KNOP1: variants seen among roughly 807,000 people sequenced by gnomAD.
KNOP1 encodes the protein lysine rich nucleolar protein 1, also known as lysine-rich nucleolar protein 1.
Under a neutral mutation model 30.6 loss-of-function variants are expected in KNOP1, and 20 were observed. The ratio of observed to expected loss-of-function variants is 0.65; its 90% CI spans 0.46 to 0.95. The LOEUF (loss-of-function observed/expected upper bound fraction) is 0.95. Among genes scored for constraint, KNOP1 ranks in the 40% least tolerant of loss-of-function variants. The pLI is 0.00. For synonymous variants in KNOP1, 204 were observed against 210.0 expected, an observed-to-expected ratio of 0.97 and a Z score of 0.25; for missense variants, 540 against 562.0, an observed-to-expected ratio of 0.96 and a Z score of 0.40.
At chr16:19,709,636 C>T (rs1976603754) in intron 4 of KNOP1, among the ~76,000 whole-genome samples, 1 of 152,300 alleles carries the variant, frequency 6.6e-6, no homozygotes, top group East Asian at 1.9e-4. Flanking sequence ...CCCTACAGAT[C>T]ACTCCAGGCC....
chr16:19,716,305 GAAGC>G (rs1977069017), intron 1 of KNOP1, among the ~76,000 whole-genome samples: 1 of 152,202 alleles, frequency 6.6e-6, no homozygotes, highest in South Asian at 2.1e-4. Flanking sequence ...CACCCATCAA[GAAGC>G]AAGTAGGTGT....
intron 4 of KNOP1, 99 bp from the exon 5 acceptor site, chr16:19,707,320 G>T: frequency 1.1e-6 from 1 of 913,450 alleles, no homozygotes; most frequent in Non-Finnish European, 1.7e-6. Flanking sequence ...CAGATTAGAT[G>T]GCTGCTGTGT....
At chr16:19,716,041 C>T (rs752221310) in intron 1 of KNOP1, among the ~76,000 whole-genome samples, 24 of 152,214 alleles carry the variant, frequency 1.6e-4, no homozygotes, top group Non-Finnish European at 3.2e-4. Context: ...CTCAGAGGGT[C>T]CACACTGGAG....
rs1334720872 is a variant in KNOP1, at chr16:19,704,636, C to G, written c.*2274G>C. 1 of 153,004 alleles carries G rather than the reference C, an allele frequency of 6.5e-6. No homozygotes were observed. The highest frequency in any genetic ancestry group is 6.5e-5 in the Admixed American group (1 of 15,382). The allele number at this position is 153,004 out of a possible 1,614,324, so 9.5% of individuals were successfully genotyped here. On this transcript the variant is annotated 3_prime_UTR_variant, in exon 5 of 5. Coordinates refer to ENST00000219837, the MANE Select transcript of KNOP1 (RefSeq NM_001012991.3). ...GGTTCCTGTTTACACCAGGCACATTCCTGTAGTGTTGCTCAAGGTCAGGAG... is the reference window on the plus strand; with the variant it reads ...GGTTCCTGTTTACACCAGGCACATTGCTGTAGTGTTGCTCAAGGTCAGGAG...
At chr16:19,717,957 G>C in intron 1 of KNOP1, 5 of 1,239,810 alleles carry the variant, frequency 4.0e-6, no homozygotes, top group Non-Finnish European at 4.1e-6. Context: ...GAGGGATTAC[G>C]TGGGGTCCCA....
Position 19,715,020 on chromosome 16 carries a change from G to A in KNOP1, c.16C>T (p.His6Tyr), listed in dbSNP as rs1976948352. 6 of 1,562,448 alleles carry A rather than the reference G, an allele frequency of 3.8e-6. No individual in the cohort carries two copies. Among genetic ancestry groups the A allele is most frequent in the South Asian group, 1.2e-5 (1 of 80,790 alleles). ...TCTGGGAGCCCAAGGTCTACTTTGT[G>A]TGTCTTGGTGATCATTCCTGAAAAA... Reference protein sequence around the residue: MITKTHKVDLGLPEKK... With the variant: MITKTYKVDLGLPEKK... Residue 6 changes from histidine to tyrosine, a missense_variant, in exon 2 of 5, where the codon CAC (histidine) becomes TAC (tyrosine). Physicochemically the swap from His to Tyr is moderately conservative, Grantham distance 83 (BLOSUM62 2). Transcript: ENST00000219837.
chr16:19,713,876 C>A (rs1976845765), intron 2 of KNOP1, among the ~76,000 whole-genome samples: 1 of 152,166 alleles, frequency 6.6e-6, no homozygotes, highest in African/African-American at 2.4e-5. Context: ...AGGATACCTG[C>A]AATTATCGAT....
intron 1 of KNOP1, chr16:19,717,241 TG>T (rs1181715449): frequency 4.6e-6 from 4 of 878,426 alleles, no homozygotes; most frequent in African/African-American, 3.7e-5. Context: ...AGGCATCCAC[TG>T]GGGGTTTAGG....
intron 1 of KNOP1, chr16:19,717,946 G>A (rs1031338678): frequency 8.2e-7 from 1 of 1,218,308 alleles, no homozygotes. Context: ...CAACAGACTG[G>A]GAGGGATTAC....
In KNOP1 at chr16:19,714,232, T is replaced by C. The variant is rs1976867603; in HGVS notation, c.804A>G (p.Lys268=). The C allele has an allele frequency of 6.2e-7, 1 of 1,614,020 alleles. No homozygotes were observed. Among genetic ancestry groups the C allele is most frequent in the Non-Finnish European group, 8.5e-7 (1 of 1,180,020 alleles). Residue 268 remains lysine (K), a synonymous_variant, in exon 2 of 5, where the codon AAA becomes AAG. Transcript: ENST00000219837. ...ISDDPKASAK[K]KMKSKKKVEQ... Reference sequence around the variant, plus strand: ...CTACCTTCTTTTTGGACTTCATCTTTTTCTTTGCGGAGGCCTTAGGGTCAT... The same window carrying C: ...CTACCTTCTTTTTGGACTTCATCTTCTTCTTTGCGGAGGCCTTAGGGTCAT...
At chr16:19,707,806 T>C (rs1597460973) in intron 4 of KNOP1, among the ~76,000 whole-genome samples, 12 of 42,666 alleles carry the variant, frequency 2.8e-4, no homozygotes, top group South Asian at 1.9e-3. Flanking sequence ...CAGCACACTC[T>C]CCCCCTACCA....
At chr16:19,715,141 G>A (rs1471983720) in intron 1 of KNOP1, 104 bp from the exon 2 acceptor site, 8 of 763,656 alleles carry the variant, frequency 1.0e-5, no homozygotes, top group Middle Eastern at 2.4e-4. Context: ...TGGTCAAAGC[G>A]TTGTGGGACA....
At position 19,703,753 on chromosome 16, in the gene KNOP1, T is replaced by C. The variant is rs555866338; in HGVS notation, c.*3157A>G. 55 of 152,212 alleles carry C rather than the reference T, an allele frequency of 3.6e-4. No individual in the cohort carries two copies. The highest frequency in any genetic ancestry group is 1.3e-3 in the African/African-American group (55 of 41,532). 9.4% of individuals were successfully genotyped at this position (152,212 alleles called of 1,614,324 possible). On this transcript the variant is annotated 3_prime_UTR_variant, in exon 5 of 5. Coordinates refer to ENST00000219837, the MANE Select transcript of KNOP1 (RefSeq NM_001012991.3). Reference sequence around the variant, plus strand: ...GGTGGGGTCCTGCTCATCTGAGAGATGGTGATCTGCACTGGCAGAAAGCAA... The same window carrying C: ...GGTGGGGTCCTGCTCATCTGAGAGACGGTGATCTGCACTGGCAGAAAGCAA...
Position 19,703,213 on chromosome 16 carries a change from A to AG in KNOP1, c.*3696dup, listed in dbSNP as rs1416306443. The AG allele has an allele frequency of 1.3e-5, 2 of 152,208 alleles. No individual in the cohort carries two copies. Among genetic ancestry groups the AG allele is most frequent in the Non-Finnish European group, 2.9e-5 (2 of 68,050 alleles). 9.4% of individuals were successfully genotyped at this position (152,208 alleles called of 1,614,324 possible). A position where few individuals can be genotyped will look rare whatever the true frequency, so the allele number is the denominator to read the frequency against. On this transcript the variant is annotated 3_prime_UTR_variant, in exon 5 of 5. Transcript: ENST00000219837. The stretch of plus-strand genomic sequence containing the variant: ...GGCTACGCTCCTTCTGGGAGGCTCT[A>AG]GGGGAGAATCTACTTCCTTGCCTTT...
chr16:19,708,711 C>G (rs1976550685), intron 4 of KNOP1, among the ~76,000 whole-genome samples: 1 of 152,210 alleles, frequency 6.6e-6, no homozygotes, highest in African/African-American at 2.4e-5. Flanking sequence ...AACCAGTTGT[C>G]ACTACAGCTG....
In KNOP1 at chr16:19,710,660, C is replaced by CGGGGCTGG. The variant is rs1597466282; in HGVS notation, c.988-82_988-75dup. The CGGGGCTGG allele has an allele frequency of 1.4e-5, 18 of 1,282,108 alleles. No homozygotes were observed. The East Asian group carries it at 4.2e-4, about 30-fold the overall frequency. The allele number at this position is 1,282,108 out of a possible 1,614,324, so 79.4% of individuals were successfully genotyped here. ...TCAAGCTTAAAACCCAGGACAGAGA[C>CGGGGCTGG]GGGGCTGGGGGAACGGAACGTGGGA... On this transcript the variant is annotated intron_variant, in intron 3 of 4. Coordinates refer to ENST00000219837, the MANE Select transcript of KNOP1 (RefSeq NM_001012991.3).
intron 4 of KNOP1, among the ~76,000 whole-genome samples, chr16:19,709,367 T>C (rs1299308414): frequency 6.6e-6 from 1 of 152,244 alleles, no homozygotes; most frequent in Non-Finnish European, 1.5e-5. Flanking sequence ...ATCCAATCTA[T>C]GAACAAGTCC....
chr16:19,703,991 A>G lies in KNOP1; in HGVS notation c.*2919T>C, dbSNP rs1439780953. ...ACACCAGGGGCAAGGCCTGACCATC[A>G]CACCCTCATGAGAGCTACCAGTCAC... On this transcript the variant is annotated 3_prime_UTR_variant, in exon 5 of 5. Coordinates refer to ENST00000219837, the MANE Select transcript of KNOP1 (RefSeq NM_001012991.3). 1 of 152,286 alleles carries G rather than the reference A, an allele frequency of 6.6e-6. No homozygotes were observed. The highest frequency in any genetic ancestry group is 6.5e-5 in the Admixed American group (1 of 15,276). The allele number at this position is 152,286 out of a possible 1,614,324, so 9.4% of individuals were successfully genotyped here. A position where few individuals can be genotyped will look rare whatever the true frequency, so the allele number is the denominator to read the frequency against.
At position 19,704,855 on chromosome 16, in the gene KNOP1, T is replaced by C. The variant is rs139977774; in HGVS notation, c.*2055A>G. ...CTTGTAGCACATACTTGTCCAACTATTGACCTGGCCAATGCTTGCGGATCA... is the reference window on the plus strand; with the variant it reads ...CTTGTAGCACATACTTGTCCAACTACTGACCTGGCCAATGCTTGCGGATCA... On this transcript the variant is annotated 3_prime_UTR_variant, in exon 5 of 5. Transcript: ENST00000219837. 1.2e-3 allele frequency: 293 copies of C among 238,688 alleles called. 2 individuals are homozygous for C. Among genetic ancestry groups the C allele is most frequent in the African/African-American group, 6.0e-3 (264 of 44,084 alleles). 14.8% of individuals were successfully genotyped at this position (238,688 alleles called of 1,614,324 possible).
Sources: allele counts gnomAD v4.1 joint callset (sites outside exome capture counted in the v4.1 genomes callset), GRCh38; gene constraint gnomAD v4.1.1; transcripts MANE v1.5; gene names NCBI Gene and HGNC (gene_info 2026-07-23, HGNC 2026-07-21).